The following DTL variants were observed in gnomAD, a reference collection of about 807,000 sequenced individuals.
DTL encodes the protein denticleless protein homolog.
In DTL, 46 loss-of-function variants were observed where a neutral mutation model predicts 87.0. The ratio of observed to expected loss-of-function variants is 0.53; its 90% CI spans 0.42 to 0.68. The LOEUF is 0.68. Ranked by LOEUF, DTL falls within the 30% of genes least tolerant of loss-of-function variation. The pLI, the probability that DTL is intolerant of heterozygous loss-of-function variation, is 0.00. For synonymous variants in DTL, 308 were observed against 311.2 expected (o/e 0.99, Z 0.11); for missense variants, 737 against 869.4 (o/e 0.85, Z 1.91).
In DTL at chr1:212,100,509, C is replaced by G; in HGVS notation, c.1519C>G (p.Arg507Gly). Residue 507 changes from arginine to glycine, a missense_variant, in exon 14 of 15, where the codon CGA becomes GGA. Arg to Gly is a moderately radical substitution (Grantham distance 125, BLOSUM62 -2). Coordinates refer to ENST00000366991, the MANE Select transcript of DTL (RefSeq NM_016448.4). ...GATGTCGATTAGAAACTGGGTGACC[C>G]GAACACCTTCCTCATCACCACCCAT... is the stretch of plus-strand genomic sequence containing the variant. ...FKMSIRNWVT[R>G]TPSSSPPITP... 1.9e-6 allele frequency: 3 copies of G among 1,613,904 alleles called. No individual in the cohort carries two copies. Among genetic ancestry groups the G allele is most frequent in the Non-Finnish European group, 2.5e-6 (3 of 1,179,980 alleles).
At position 212,068,599 on chromosome 1, in the gene DTL, G is replaced by T; in HGVS notation, c.818G>T (p.Gly273Val). 1 of 1,604,832 alleles carries T rather than the reference G, an allele frequency of 6.2e-7. No individual in the cohort carries two copies. Among genetic ancestry groups the T allele is most frequent in the Non-Finnish European group, 8.5e-7 (1 of 1,172,414 alleles). Residue 273 changes from glycine to valine, a missense_variant and splice_region_variant, in exon 10 of 15, where the codon GGA (glycine) becomes GTA (valine). Physicochemically the swap from Gly to Val is moderately radical, Grantham distance 109. Coordinates refer to ENST00000366991, the MANE Select transcript of DTL (RefSeq NM_016448.4). ...LYPGSSTRKL[G>V]YSSLILDSTG... Reference sequence around the variant, plus strand: ...GCTAACTTAAGTTTCCTTTTTCCAGGATATTCAAGTCTGATTTTGGATTCC... The same window carrying T: ...GCTAACTTAAGTTTCCTTTTTCCAGTATATTCAAGTCTGATTTTGGATTCC...
At chr1:212,055,632 G>A (rs937967538) in intron 5 of DTL, among the ~76,000 whole-genome samples, 2 of 152,124 alleles carry the variant, frequency 1.3e-5, no homozygotes, top group Non-Finnish European at 2.9e-5. Context: ...AAACTCAGTC[G>A]TTTAACTGCC....
chr1:212,045,718 G>A (rs889018676), intron 3 of DTL, among the ~76,000 whole-genome samples: 1 of 152,126 alleles, frequency 6.6e-6, no homozygotes, highest in Admixed American at 6.6e-5. Context: ...TCCAGGTGAC[G>A]GGAAAAGCAT....
At chr1:212,069,181 TA>T (rs750421614) in intron 10 of DTL, among the ~76,000 whole-genome samples, 1 of 152,016 alleles carries the variant, frequency 6.6e-6, no homozygotes, top group Non-Finnish European at 1.5e-5. Flanking sequence ...CTCAAAACTT[TA>T]AAAATAGAAT....
At chr1:212,044,800 CTT>C in intron 3 of DTL, 42 bp downstream of exon 3, 1 of 1,111,336 alleles carries the variant, frequency 9.0e-7, no homozygotes, top group Non-Finnish European at 1.4e-6. Flanking sequence ...ATTTAAAAAA[CTT>C]TACACATCCT....
intron 6 of DTL, among the ~76,000 whole-genome samples, chr1:212,063,766 A>T (rs1215500461): frequency 1.3e-5 from 2 of 152,218 alleles, no homozygotes; most frequent in Non-Finnish European, 2.9e-5. Flanking sequence ...GGTATATGTG[A>T]TATCTTGATA....
At chr1:212,036,012 G>A in intron 1 of DTL, 70 bp downstream of exon 1, 3 of 1,454,474 alleles carry the variant, frequency 2.1e-6, no homozygotes, top group Non-Finnish European at 2.9e-6. Context: ...CGCCACCTCC[G>A]ACCAGGGCCG....
intron 1 of DTL, among the ~76,000 whole-genome samples, chr1:212,037,496 G>A (rs1667519362): frequency 6.6e-6 from 1 of 152,042 alleles, no homozygotes; most frequent in Non-Finnish European, 1.5e-5. Flanking sequence ...GTCTAGATAG[G>A]CTCTTGGAAA....
chr1:212,086,030 C>T (rs1353577745), intron 13 of DTL, among the ~76,000 whole-genome samples: 2 of 152,124 alleles, frequency 1.3e-5, no homozygotes, highest in African/African-American at 4.8e-5. Flanking sequence ...ATTACTGTAG[C>T]TTTGTAGTAG....
rs776328730 is a variant in DTL, at chr1:212,101,072, A to AGCCCGGTAAGTCAGCAG, written c.2082_2083insGCCCGGTAAGTCAGCAG (p.Leu695AlafsTer3). On this transcript the variant is annotated stop_gained and frameshift_variant, in exon 14 of 15. Coordinates refer to ENST00000366991, the MANE Select transcript of DTL (RefSeq NM_016448.4). LOFTEE classifies it high-confidence loss of function. ...ATTCCAGGAGACAGAGCGGAAAGAA[A>AGCCCGGTAAGTCAGCAG]TTGCCAAGCCCGGTAAGTCAGCAGT... The AGCCCGGTAAGTCAGCAG allele has an allele frequency of 1.4e-5, 23 of 1,602,974 alleles. No individual in the cohort carries two copies. The highest frequency in any genetic ancestry group is 2.0e-5 in the Non-Finnish European group (23 of 1,174,912).
At chr1:212,044,932 A>G (rs1667766096) in intron 3 of DTL, among the ~76,000 whole-genome samples, 174 bp downstream of exon 3, 1 of 152,228 alleles carries the variant, frequency 6.6e-6, no homozygotes, top group Non-Finnish European at 1.5e-5. Context: ...TCTGCTGGCT[A>G]GAATAGTAGA....
At position 212,043,086 on chromosome 1, in the gene DTL, C is replaced by T. The variant is rs780584982; in HGVS notation, c.146C>T (p.Pro49Leu). ...ACTTCTTATGGAGAAACAGGAGTCCCAGTTCCTCCTTTTGGATGTACCTTC... is the reference window on the plus strand; with the variant it reads ...ACTTCTTATGGAGAAACAGGAGTCCTAGTTCCTCCTTTTGGATGTACCTTC... ...EHTSYGETGVPVPPFGCTFSS... is the reference protein window; with the variant it reads ...EHTSYGETGVLVPPFGCTFSS... The change falls in exon 2 of 15, where the codon CCA (proline) becomes CTA (leucine). Residue 49 changes from proline (P) to leucine (L), a missense_variant. Physicochemically the swap from Pro to Leu is moderately conservative, Grantham distance 98. Coordinates refer to ENST00000366991, the MANE Select transcript of DTL (RefSeq NM_016448.4). 6.2e-7 allele frequency: 1 copy of T among 1,613,234 alleles called. No individual in the cohort carries two copies. Among genetic ancestry groups the T allele is most frequent in the Admixed American group, 1.7e-5 (1 of 59,928 alleles).
chr1:212,093,582 CTG>C (rs1655352279), intron 13 of DTL, among the ~76,000 whole-genome samples: 2 of 152,226 alleles, frequency 1.3e-5, no homozygotes, highest in South Asian at 4.1e-4. Context: ...CCCGACCAAA[CTG>C]CATCATTCCA....
intron 10 of DTL, among the ~76,000 whole-genome samples, chr1:212,069,572 G>A (rs1434822973): frequency 6.7e-6 from 1 of 150,302 alleles, no homozygotes; most frequent in South Asian, 2.1e-4. Context: ...TTGAGACGGA[G>A]TTTCACTCTG....
At position 212,063,881 on chromosome 1, in the gene DTL, GT is replaced by G. The variant is rs1180556831; in HGVS notation, c.526+938del. 5.5e-5 allele frequency among the ~76,000 whole-genome samples: 8 copies of G among 145,150 alleles called. No individual in the cohort carries two copies. In the East Asian group the frequency reaches 1.7e-3, roughly 30 times the overall value. On this transcript the variant is annotated intron_variant, in intron 6 of 14. Coordinates refer to ENST00000366991, the MANE Select transcript of DTL (RefSeq NM_016448.4). The stretch of plus-strand genomic sequence containing the variant: ...GGAACATTACAATTCTTCTCTTCTG[GT>G]TTTTTGTTTCTTGTTTTTTTTTTTT...
chr1:212,081,688 CAG>C (rs1654994321), intron 13 of DTL, among the ~76,000 whole-genome samples: 2 of 152,146 alleles, frequency 1.3e-5, no homozygotes, highest in Admixed American at 1.3e-4. Flanking sequence ...ATTTACAAGA[CAG>C]AGCCAACAGA....
intron 11 of DTL, 113 bp downstream of exon 11, chr1:212,072,326 C>T (rs1490014551): frequency 6.4e-6 from 5 of 783,546 alleles, no homozygotes; most frequent in African/African-American, 1.7e-5. Flanking sequence ...ATTCCTGCAT[C>T]AGATATTTAG....
chr1:212,082,955 A>G (rs1655029578), intron 13 of DTL, among the ~76,000 whole-genome samples: 1 of 152,206 alleles, frequency 6.6e-6, no homozygotes, highest in African/African-American at 2.4e-5. Context: ...AGATTTAACC[A>G]GGGATGTGGT....
chr1:212,047,287 T>C lies in DTL; in HGVS notation c.340-10T>C, dbSNP rs1351408535. ...GCTTTATTAAATTGTGTTTACCTTA[T>C]TTTTGAAAGGTTACAGCAGCAGGTG... is the stretch of plus-strand genomic sequence containing the variant. On this transcript the variant is annotated splice_polypyrimidine_tract_variant and intron_variant, in intron 4 of 14. Coordinates refer to ENST00000366991, the MANE Select transcript of DTL (RefSeq NM_016448.4). The C allele has an allele frequency of 3.1e-6, 5 of 1,614,218 alleles. No individual in the cohort carries two copies. Among genetic ancestry groups the C allele is most frequent in the Non-Finnish European group, 4.2e-6 (5 of 1,180,030 alleles).
Sources: allele counts gnomAD v4.1 joint callset (sites outside exome capture counted in the v4.1 genomes callset), GRCh38; gene constraint gnomAD v4.1.1; transcripts MANE v1.5; gene names NCBI Gene and HGNC (gene_info 2026-07-23, HGNC 2026-07-21).